The following AGO1 variants were observed in gnomAD, a reference collection of about 807,000 sequenced individuals.
AGO1 encodes the protein protein argonaute-1.
Under a neutral mutation model 109.2 loss-of-function variants are expected in AGO1, and 11 were observed. The ratio of observed to expected loss-of-function variants is 0.10; its 90% confidence interval spans 0.06 to 0.17. The LOEUF is 0.17. AGO1 is among the 10% of genes least tolerant of loss of function. The probability of loss-of-function intolerance (pLI) is 1.00; values close to 1 mark genes in which losing one functional copy is unlikely to be tolerated. For synonymous variants in AGO1, 422 were observed against 418.6 expected, an observed-to-expected ratio of 1.01 and a Z score of -0.10; for missense variants, 574 against 1,140.3, an observed-to-expected ratio of 0.50 and a Z score of 7.15.
chr1:35,919,033 C>T lies in AGO1; in HGVS notation c.2266-22C>T. 1 of 1,612,596 alleles carries T rather than the reference C, an allele frequency of 6.2e-7. No individual in the cohort carries two copies. Among genetic ancestry groups the T allele is most frequent in the Non-Finnish European group, 8.5e-7 (1 of 1,178,630 alleles). ...CATCTTCTCTGCCCAGCCTGGGACC[C>T]CTCACCTTCCTATCTTCCCAGGGCA... is the stretch of plus-strand genomic sequence containing the variant. On this transcript the variant is annotated intron_variant, in intron 17 of 18. Coordinates refer to ENST00000373204, the MANE Select transcript of AGO1 (RefSeq NM_012199.5). The surrounding 1 kb of genome is among the most constrained non-coding windows in gnomAD (Gnocchi z 6.6).
At chr1:35,885,515 T>TA (rs1306129519) in intron 1 of AGO1, among the ~76,000 whole-genome samples, 1 of 152,226 alleles carries the variant, frequency 6.6e-6, no homozygotes, top group East Asian at 1.9e-4. Flanking sequence ...AGGGACCCCA[T>TA]AACTGCCTCC....
At chr1:35,882,240 A>G (rs974334286), upstream of AGO1, among the ~76,000 whole-genome samples, 1 of 152,178 alleles carries the variant, frequency 6.6e-6, no homozygotes, top group Admixed American at 6.5e-5. The surrounding 1 kb of genome is among the most constrained non-coding windows in gnomAD (Gnocchi z 5.1). Flanking sequence ...TGAGTATGAG[A>G]CATGGTTGGA....
intron 1 of AGO1, chr1:35,873,131 C>G (rs1212616410): frequency 6.6e-6 from 1 of 151,608 alleles, no homozygotes; most frequent in East Asian, 1.9e-4. Flanking sequence ...TTATCCTTGT[C>G]CTAAACAGTA....
upstream of AGO1, among the ~76,000 whole-genome samples, chr1:35,881,853 T>G (rs948385735): frequency 3.9e-5 from 6 of 152,230 alleles, no homozygotes; most frequent in African/African-American, 1.4e-4. Context: ...TTACCCCGCC[T>G]ATCACTGCAC....
chr1:35,878,504 G>T (rs1421541879), upstream of AGO1, among the ~76,000 whole-genome samples: 1 of 152,146 alleles, frequency 6.6e-6, no homozygotes, highest in Non-Finnish European at 1.5e-5. Context: ...GTATGGACTG[G>T]CTCAATTACA....
upstream of AGO1, among the ~76,000 whole-genome samples, chr1:35,881,926 G>A (rs1645041220): frequency 6.6e-6 from 1 of 152,226 alleles, no homozygotes; most frequent in African/African-American, 2.4e-5. Context: ...GGAAGTGGTT[G>A]TGATACGTCT....
At chr1:35,904,697 AG>A (rs542502414) in intron 11 of AGO1, among the ~76,000 whole-genome samples, 10 of 152,228 alleles carry the variant, frequency 6.6e-5, no homozygotes, top group Non-Finnish European at 1.3e-4. Flanking sequence ...AGTAGTAGCC[AG>A]TTAAATCTGT....
At chr1:35,874,701 A>C (rs370045751) in intron 1 of AGO1, among the ~76,000 whole-genome samples, 1 of 152,240 alleles carries the variant, frequency 6.6e-6, no homozygotes, top group African/African-American at 2.4e-5. Context: ...AAAGCTGAGA[A>C]GGCCAAAAGT....
chr1:35,892,966 A>T, intron 3 of AGO1, 131 bp from the exon 4 acceptor site: 1 of 1,008,322 alleles, frequency 9.9e-7, no homozygotes, highest in Non-Finnish European at 1.4e-6. Flanking sequence ...CTAAGGGGCT[A>T]GACTTACTCT....
At chr1:35,912,685 T>C (rs1645659100) in intron 12 of AGO1, among the ~76,000 whole-genome samples, 1 of 152,102 alleles carries the variant, frequency 6.6e-6, no homozygotes, top group South Asian at 2.1e-4. Flanking sequence ...GTGATTCTCC[T>C]GCCTCAGCCT....
Position 35,894,319 on chromosome 1 carries a change from G to C in AGO1, c.789G>C (p.Leu263=). The C allele has an allele frequency of 6.2e-7, 1 of 1,614,210 alleles. No individual in the cohort carries two copies. Among genetic ancestry groups the C allele is most frequent in the Non-Finnish European group, 8.5e-7 (1 of 1,180,036 alleles). The part of the protein sequence containing the change: ...RVRFTKEIKG[L]KVEVTHCGQM... ...CAAGCAGTGTGTGTATCTCAGGCCT[G>C]AAGGTGGAAGTCACCCACTGTGGAC... The change falls in exon 7 of 19, where the codon CTG becomes CTC. Residue 263 remains leucine, a synonymous_variant. Transcript: ENST00000373204.
chr1:35,888,941 G>C lies in AGO1; in HGVS notation c.209+331G>C, dbSNP rs192421467. 1.3e-5 allele frequency among the ~76,000 whole-genome samples: 2 copies of C among 152,300 alleles called. No homozygotes were observed. The highest frequency in any genetic ancestry group is 4.8e-5 in the African/African-American group (2 of 41,564). Reference sequence around the variant, plus strand: ...GTTTTAAAGAATGAGATATGGGTATGTTTACAGATTAAGGAGAAGGAGCTA... The same window carrying C: ...GTTTTAAAGAATGAGATATGGGTATCTTTACAGATTAAGGAGAAGGAGCTA... On this transcript the variant is annotated intron_variant, in intron 2 of 18. Coordinates refer to ENST00000373204, the MANE Select transcript of AGO1 (RefSeq NM_012199.5). The surrounding 1 kb of genome is among the most constrained non-coding windows in gnomAD (Gnocchi z 4.1).
intron 12 of AGO1, among the ~76,000 whole-genome samples, chr1:35,909,608 G>GA (rs1174138017): frequency 1.3e-5 from 2 of 151,970 alleles, no homozygotes; most frequent in African/African-American, 4.8e-5. Context: ...TTTTATTCTT[G>GA]ACATTTCACC....
rs1571381199 is a variant in AGO1, at chr1:35,919,735, C to G, written c.*128C>G. 2.5e-6 allele frequency: 2 copies of G among 801,482 alleles called. No individual in the cohort carries two copies. The highest frequency in any genetic ancestry group is 5.4e-5 in the East Asian group (2 of 37,106). The allele number at this position is 801,482 out of a possible 1,614,324, so 49.6% of individuals were successfully genotyped here. A position where few individuals can be genotyped will look rare whatever the true frequency, so the allele number is the denominator to read the frequency against. The stretch of plus-strand genomic sequence containing the variant: ...GGAGGAGTGTAGGATGCCTTGTTTC[C>G]TTCTATAGAGGTGGTGTAAGAGTGG... On this transcript the variant is annotated 3_prime_UTR_variant, in exon 19 of 19. Transcript: ENST00000373204. This position sits in a 1 kb window ranked among gnomAD's most constrained non-coding sequence, Gnocchi z 6.6.
chr1:35,898,390 G>A (rs1645357983), intron 8 of AGO1, among the ~76,000 whole-genome samples: 1 of 151,850 alleles, frequency 6.6e-6, no homozygotes, highest in African/African-American at 2.4e-5. Context: ...CGGAGTAGCT[G>A]GGAATGCAGG....
At chr1:35,906,604 C>A (rs575437565) in intron 11 of AGO1, among the ~76,000 whole-genome samples, 2 of 152,168 alleles carry the variant, frequency 1.3e-5, no homozygotes, top group Admixed American at 6.5e-5. Context: ...AGTCCAGGAA[C>A]TTGAGACCAG....
At chr1:35,879,162 T>G (rs1645014742), upstream of AGO1, among the ~76,000 whole-genome samples, 1 of 152,128 alleles carries the variant, frequency 6.6e-6, no homozygotes, top group Non-Finnish European at 1.5e-5. Context: ...AAAAGTAAAA[T>G]GCAGGGGCTG....
intron 11 of AGO1, among the ~76,000 whole-genome samples, chr1:35,906,118 C>T (rs1487360419): frequency 6.6e-6 from 1 of 152,128 alleles, no homozygotes; most frequent in Non-Finnish European, 1.5e-5. Context: ...GCATGTGTGT[C>T]CTCTCTTGCA....
At position 35,930,365 on chromosome 1, in the gene AGO1, AGCTCC is replaced by A. The variant is rs1646013091; in HGVS notation, c.*10759_*10763del. 1 of 152,258 alleles carries A rather than the reference AGCTCC, an allele frequency of 6.6e-6. No individual in the cohort carries two copies. The highest frequency in any genetic ancestry group is 2.1e-4 in the South Asian group (1 of 4,838). 9.4% of individuals were successfully genotyped at this position (152,258 alleles called of 1,614,324 possible). On this transcript the variant is annotated 3_prime_UTR_variant, in exon 19 of 19. Coordinates refer to ENST00000373204, the MANE Select transcript of AGO1 (RefSeq NM_012199.5). ...TGGCCAAGGGAACCAAAAGCAGAGA[AGCTCC>A]AAGTCAGAAAAAAGCAGCGGTTGGC...
Sources: allele counts gnomAD v4.1 joint callset (sites outside exome capture counted in the v4.1 genomes callset), GRCh38; gene constraint gnomAD v4.1.1; non-coding constraint Gnocchi (gnomAD v3.1); transcripts MANE v1.5; gene names NCBI Gene and HGNC (gene_info 2026-07-23, HGNC 2026-07-21).